The following CRNKL1 variants were observed in gnomAD, a reference collection of about 807,000 sequenced individuals.
The protein encoded by CRNKL1 is crooked neck pre-mRNA splicing factor 1.
Under a neutral mutation model 103.7 loss-of-function variants are expected in CRNKL1, and 35 were observed. That is an observed-to-expected ratio of 0.34 (90% CI 0.26 to 0.45). The LOEUF (loss-of-function observed/expected upper bound fraction) is 0.45. Among genes scored for constraint, CRNKL1 ranks in the 20% least tolerant of loss-of-function variants. CRNKL1 has a pLI of 1.00. For synonymous variants in CRNKL1, 267 were observed against 282.6 expected (o/e 0.94, Z 0.55); for missense variants, 645 against 836.0 (o/e 0.77, Z 2.82).
Position 20,036,008 on chromosome 20 carries a change from A to G in CRNKL1, c.*187T>C, listed in dbSNP as rs2043413216. ...TGGAAAAACAAATCCAGCAGTTAAAAAAGTCCTTTACTTGCAATCCCTACC... is the reference window on the plus strand; with the variant it reads ...TGGAAAAACAAATCCAGCAGTTAAAGAAGTCCTTTACTTGCAATCCCTACC... On this transcript the variant is annotated 3_prime_UTR_variant, in exon 14 of 14. Coordinates refer to ENST00000536226, the MANE Select transcript of CRNKL1 (RefSeq NM_001278628.2). 2 of 582,144 alleles carry G rather than the reference A, an allele frequency of 3.4e-6. No individual in the cohort carries two copies. Among genetic ancestry groups the G allele is most frequent in the South Asian group, 2.7e-5 (1 of 36,794 alleles). 36.1% of individuals were successfully genotyped at this position (582,144 alleles called of 1,614,324 possible).
intron 9 of CRNKL1, 116 bp from the exon 10 acceptor site, chr20:20,040,882 G>C: frequency 1.4e-6 from 1 of 707,176 alleles, no homozygotes; most frequent in East Asian, 2.7e-5. Flanking sequence ...TAAAACTTCA[G>C]AGTAAGAGGA....
chr20:20,042,795 T>A (rs1390509645), intron 7 of CRNKL1, among the ~76,000 whole-genome samples: 1 of 152,268 alleles, frequency 6.6e-6, no homozygotes, highest in Non-Finnish European at 1.5e-5. Flanking sequence ...TAGATGCCTA[T>A]TCTTGCCAAT....
chr20:20,041,723 C>T (rs1329527181), intron 8 of CRNKL1, 98 bp from the exon 9 acceptor site: 13 of 824,842 alleles, frequency 1.6e-5, no homozygotes, highest in Non-Finnish European at 2.6e-5. Flanking sequence ...AAAATGTACA[C>T]CCCCAAAACA....
At chr20:20,051,463 T>C (rs959210219) in intron 1 of CRNKL1, among the ~76,000 whole-genome samples, 1 of 152,362 alleles carries the variant, frequency 6.6e-6, no homozygotes, top group South Asian at 2.1e-4. Context: ...TAAAAGTTTA[T>C]GTAGCTGAAT....
chr20:20,055,549 C>G (rs1194617303), upstream of CRNKL1, among the ~76,000 whole-genome samples: 1 of 152,140 alleles, frequency 6.6e-6, no homozygotes, highest in Admixed American at 6.5e-5. Flanking sequence ...CACATCATTG[C>G]CACCTGGTTG....
In CRNKL1 at chr20:20,042,465, T is replaced by G; in HGVS notation, c.1024A>C (p.Ser342Arg). Reference sequence around the variant, plus strand: ...CTCACGGCTTCAGCTTCTGCGTCACTTTCTACCAAGCGCAAGTAATCAAAC... The same window carrying G: ...CTCACGGCTTCAGCTTCTGCGTCACGTTCTACCAAGCGCAAGTAATCAAAC... ...AWFDYLRLVESDAEAEAVREV... is the reference protein window; with the variant it reads ...AWFDYLRLVERDAEAEAVREV... The change falls in exon 8 of 14, where the codon AGT (serine) becomes CGT (arginine). Residue 342 changes from serine to arginine, a missense_variant. By Grantham distance (110) the Ser-to-Arg change is moderately radical. Coordinates refer to ENST00000536226, the MANE Select transcript of CRNKL1 (RefSeq NM_001278628.2). 1 of 1,614,150 alleles carries G rather than the reference T, an allele frequency of 6.2e-7. No homozygotes were observed. The highest frequency in any genetic ancestry group is 8.5e-7 in the Non-Finnish European group (1 of 1,180,016).
Position 20,052,049 on chromosome 20 carries a change from T to A in CRNKL1, c.51+243A>T, listed in dbSNP as rs538944642. On this transcript the variant is annotated intron_variant, in intron 1 of 13. Coordinates refer to ENST00000536226, the MANE Select transcript of CRNKL1 (RefSeq NM_001278628.2). ...CCAGTGCAGTGCCTGGCTCAGTAAA[T>A]CTTCACCGAACCACCCCACTCCACT... Among the ~76,000 whole-genome samples the A allele has an allele frequency of 2.0e-5, 3 of 151,984 alleles. No individual in the cohort carries two copies. The South Asian group carries it at 6.2e-4, about 32-fold the overall frequency.
chr20:20,048,054 A>G (rs1325089130), intron 4 of CRNKL1, 123 bp from the exon 5 acceptor site: 1 of 1,249,252 alleles, frequency 8.0e-7, no homozygotes, highest in Admixed American at 2.6e-5. Context: ...ATTTGTATGT[A>G]AATCTGAAAA....
intron 2 of CRNKL1, among the ~76,000 whole-genome samples, chr20:20,050,067 T>C (rs1432112556): frequency 2.0e-5 from 3 of 152,240 alleles, no homozygotes; most frequent in African/African-American, 7.2e-5. Flanking sequence ...TCTGCCCGCC[T>C]CGGCCTCCCA....
chr20:20,045,753 A>G (rs2043584017), intron 5 of CRNKL1, among the ~76,000 whole-genome samples: 2 of 152,144 alleles, frequency 1.3e-5, no homozygotes, highest in African/African-American at 4.8e-5. Flanking sequence ...AAAAATCTCA[A>G]CCCAGGTTAC....
intron 5 of CRNKL1, among the ~76,000 whole-genome samples, 197 bp from the exon 6 acceptor site, chr20:20,045,683 T>C (rs542597044): frequency 7.9e-5 from 12 of 152,318 alleles, no homozygotes; most frequent in Admixed American, 3.9e-4. Flanking sequence ...TCATCTCTAT[T>C]TTCCTCCAGT....
intron 6 of CRNKL1, 144 bp downstream of exon 6, chr20:20,045,164 T>A: frequency 1.6e-6 from 1 of 617,732 alleles, no homozygotes; most frequent in Non-Finnish European, 2.7e-6. Flanking sequence ...TATATGCTGT[T>A]CTCTGTGAGA....
chr20:20,047,843 C>G lies in CRNKL1; in HGVS notation c.544G>C (p.Glu182Gln). 6.2e-7 allele frequency: 1 copy of G among 1,614,258 alleles called. No homozygotes were observed. The highest frequency in any genetic ancestry group is 8.5e-7 in the Non-Finnish European group (1 of 1,180,042). The change falls in exon 5 of 14, where the codon GAG (glutamate) becomes CAG (glutamine). Residue 182 changes from glutamate to glutamine, a missense_variant. Coordinates refer to ENST00000536226, the MANE Select transcript of CRNKL1 (RefSeq NM_001278628.2). ...FERWMEWQPE[E>Q]QAWHSYINFE... ...TTGATGTAGGAGTGCCAGGCTTGCT[C>G]CTCAGGCTGCCACTCCATCCAGCGC...
In CRNKL1 at chr20:20,040,707, C is replaced by G. The variant is rs1568758401; in HGVS notation, c.1284G>C (p.Leu428=). Residue 428 remains leucine, a synonymous_variant, in exon 10 of 14, where the codon CTG becomes CTC. Transcript: ENST00000536226. ...YAQFEIRQKN[L]SLARRALGTS... is the part of the protein sequence containing the mutation. The stretch of plus-strand genomic sequence containing the variant: ...TTACCAATGCTCTTCTGGCTAATGA[C>G]AGATTCTTCTGTCGTATTTCAAACT... 6.2e-7 allele frequency: 1 copy of G among 1,611,656 alleles called. No individual in the cohort carries two copies. Among genetic ancestry groups the G allele is most frequent in the South Asian group, 1.1e-5 (1 of 90,890 alleles).
chr20:20,046,932 C>CT (rs1265414521), intron 5 of CRNKL1, among the ~76,000 whole-genome samples: 1 of 152,222 alleles, frequency 6.6e-6, no homozygotes, highest in Admixed American at 6.5e-5. Flanking sequence ...AACATGGAAT[C>CT]TGCAAATAGT....
At chr20:20,049,198 C>G in intron 3 of CRNKL1, 142 bp downstream of exon 3, 1 of 573,930 alleles carries the variant, frequency 1.7e-6, no homozygotes, top group Non-Finnish European at 3.0e-6. Context: ...CAAGGGAACC[C>G]TAGGGTTCCA....
At position 20,039,722 on chromosome 20, in the gene CRNKL1, T is replaced by A. The variant is rs1467273299; in HGVS notation, c.1432A>T (p.Asn478Tyr). 2 of 1,614,186 alleles carry A rather than the reference T, an allele frequency of 1.2e-6. No individual in the cohort carries two copies. Among genetic ancestry groups the A allele is most frequent in the Admixed American group, 3.3e-5 (2 of 60,030 alleles). ...YEKFLEFGPE[N>Y]CTSWIKFAEL... ...GCGAATTTAATCCATGAGGTACAAT[T>A]TTCAGGTCCAAATTCCAGGAACTTT... Residue 478 changes from asparagine to tyrosine, a missense_variant, in exon 11 of 14, where the codon AAT (asparagine) becomes TAT (tyrosine). Asn to Tyr is a moderately radical substitution (Grantham distance 143, BLOSUM62 -2). Coordinates refer to ENST00000536226, the MANE Select transcript of CRNKL1 (RefSeq NM_001278628.2).
chr20:20,036,503 C>T (rs1458073561), intron 13 of CRNKL1, 141 bp from the exon 14 acceptor site: 3 of 778,104 alleles, frequency 3.9e-6, no homozygotes, highest in South Asian at 3.6e-5. Context: ...AGAACAAGGG[C>T]TGGGTCTGAA....
chr20:20,034,874 A>T lies in CRNKL1; in HGVS notation c.*1321T>A, dbSNP rs1003854080. The T allele has an allele frequency of 6.6e-6, 1 of 152,256 alleles. No individual in the cohort carries two copies. 9.4% of individuals were successfully genotyped at this position (152,256 alleles called of 1,614,324 possible). A position where few individuals can be genotyped will look rare whatever the true frequency, so the allele number is the denominator to read the frequency against. Reference sequence around the variant, plus strand: ...ATTCCCTTGGGTGAATAAGATGTGCACATTTAATAATAAATTTGCTTACTA... The same window carrying T: ...ATTCCCTTGGGTGAATAAGATGTGCTCATTTAATAATAAATTTGCTTACTA... On this transcript the variant is annotated 3_prime_UTR_variant, in exon 14 of 14. Transcript: ENST00000536226.
Sources: gnomAD v4.1 joint callset for allele counts (sites outside exome capture counted in the v4.1 genomes callset) on GRCh38, gnomAD v4.1.1 for gene constraint, MANE v1.5 for transcripts, NCBI Gene and HGNC (gene_info 2026-07-23, HGNC 2026-07-21) for gene names.